KLHDC2: variants seen among roughly 807,000 people sequenced by gnomAD.
The protein encoded by KLHDC2 is kelch domain containing 2, also known as kelch domain-containing protein 2.
KLHDC2 carries 38 observed loss-of-function variants against 62.3 expected under a neutral mutation model. The observed-to-expected ratio is 0.61, with a 90% CI of 0.47 to 0.80. The LOEUF is 0.80. Among genes scored for constraint, KLHDC2 ranks in the 30% least tolerant of loss-of-function variants. KLHDC2 has a pLI of 0.00. For synonymous variants in KLHDC2, 159 were observed against 161.0 expected (o/e 0.99, Z 0.09); for missense variants, 430 against 495.3 (o/e 0.87, Z 1.25).
chr14:49,768,781 G>A, intron 1 of KLHDC2, 160 bp downstream of exon 1: 1 of 626,576 alleles, frequency 1.6e-6, no homozygotes, highest in Non-Finnish European at 2.6e-6. Flanking sequence ...TTTTTTGCGC[G>A]CGGGAATCTT....
Position 49,784,628 on chromosome 14 carries a change from CA to C in KLHDC2, c.*1676del. 1 of 1,594,866 alleles carries C rather than the reference CA, an allele frequency of 6.3e-7. No homozygotes were observed. The highest frequency in any genetic ancestry group is 2.2e-5 in the East Asian group (1 of 44,712). On this transcript the variant is annotated 3_prime_UTR_variant, in exon 13 of 13. Transcript: ENST00000298307. ...GCTCTTCTCAAATATTTTAGAATTT[CA>C]TTTCAGCTATTTCCTTTTTACGTTC...
At chr14:49,777,772 A>G in intron 3 of KLHDC2, 67 bp from the exon 4 acceptor site, 1 of 861,880 alleles carries the variant, frequency 1.2e-6, no homozygotes, top group East Asian at 2.5e-5. Context: ...AATCATAGTA[A>G]AATTAAATGC....
chr14:49,785,003 A>G lies in KLHDC2; in HGVS notation c.*2050A>G, dbSNP rs764829670. The G allele has an allele frequency of 6.2e-7, 1 of 1,613,440 alleles. No homozygotes were observed. Among genetic ancestry groups the G allele is most frequent in the South Asian group, 1.1e-5 (1 of 91,056 alleles). On this transcript the variant is annotated 3_prime_UTR_variant, in exon 13 of 13. Coordinates refer to ENST00000298307, the MANE Select transcript of KLHDC2 (RefSeq NM_014315.3). ...TGAAACTATTCAAGGCTGTTTTTGC[A>G]GCTGTAAATACAAAAAAGAGTAAGA...
chr14:49,774,258 A>G (rs905420630), intron 2 of KLHDC2, among the ~76,000 whole-genome samples: 1 of 152,246 alleles, frequency 6.6e-6, no homozygotes, highest in Non-Finnish European at 1.5e-5. Context: ...AATAAATAGC[A>G]AACAATTTAG....
chr14:49,784,746 T>C lies in KLHDC2; in HGVS notation c.*1793T>C. ...AAGAAAATTGCTGAATATCTTCACA[T>C]CCTGTATGGTCAATCATGTTTCTTT... On this transcript the variant is annotated 3_prime_UTR_variant, in exon 13 of 13. Coordinates refer to ENST00000298307, the MANE Select transcript of KLHDC2 (RefSeq NM_014315.3). 6.5e-7 allele frequency: 1 copy of C among 1,543,046 alleles called. No individual in the cohort carries two copies.
At position 49,784,814 on chromosome 14, in the gene KLHDC2, G is replaced by T; in HGVS notation, c.*1861G>T. The T allele has an allele frequency of 7.2e-7, 1 of 1,390,724 alleles. No homozygotes were observed. Among genetic ancestry groups the T allele is most frequent in the Non-Finnish European group, 1.0e-6 (1 of 990,268 alleles). The allele number at this position is 1,390,724 out of a possible 1,614,324, so 86.1% of individuals were successfully genotyped here. A position where few individuals can be genotyped will look rare whatever the true frequency, so the allele number is the denominator to read the frequency against. On this transcript the variant is annotated 3_prime_UTR_variant, in exon 13 of 13. Coordinates refer to ENST00000298307, the MANE Select transcript of KLHDC2 (RefSeq NM_014315.3). ...ACATTTCCAAACTTTTAGCTGAGAT[G>T]GTTTTACTGCTTCTAATAAGACAGC...
At chr14:49,782,198 TATTG>T (rs1354728713) in intron 10 of KLHDC2, 168 bp from the exon 11 acceptor site, 4 of 544,448 alleles carry the variant, frequency 7.3e-6, no homozygotes, top group Non-Finnish European at 9.8e-6. Flanking sequence ...ATAAAATAGA[TATTG>T]ATTGATCTGC....
chr14:49,785,359 C>G lies in KLHDC2; in HGVS notation c.*2406C>G. ...ATAACAGTTACAAAGGCAATTTATA[C>G]CGCCCTTTACAAAAAATGCTAAAAC... On this transcript the variant is annotated 3_prime_UTR_variant, in exon 13 of 13. Coordinates refer to ENST00000298307, the MANE Select transcript of KLHDC2 (RefSeq NM_014315.3). The G allele has an allele frequency of 7.2e-7, 1 of 1,391,080 alleles. No homozygotes were observed. Among genetic ancestry groups the G allele is most frequent in the Non-Finnish European group, 1.0e-6 (1 of 977,996 alleles). 86.2% of individuals were successfully genotyped at this position (1,391,080 alleles called of 1,614,324 possible). A position where few individuals can be genotyped will look rare whatever the true frequency, so the allele number is the denominator to read the frequency against.
chr14:49,769,278 C>A (rs1281208899), intron 1 of KLHDC2, among the ~76,000 whole-genome samples: 1 of 152,196 alleles, frequency 6.6e-6, no homozygotes, highest in African/African-American at 2.4e-5. Context: ...TTTGACTCTC[C>A]GATCCCCTGG....
intron 4 of KLHDC2, 79 bp downstream of exon 4, chr14:49,778,033 T>G: frequency 2.0e-6 from 2 of 1,003,032 alleles, no homozygotes; most frequent in Non-Finnish European, 3.1e-6. Context: ...CAGTAAACAT[T>G]TGCACAGAAC....
At chr14:49,771,099 A>G (rs112379569) in intron 1 of KLHDC2, among the ~76,000 whole-genome samples, 4,482 of 152,244 alleles carry the variant, frequency 0.029, 102 homozygotes, top group Non-Finnish European at 0.043. Flanking sequence ...CTGTAATCCC[A>G]GCACTTTGGG....
At chr14:49,774,327 A>C (rs1170343104) in intron 2 of KLHDC2, among the ~76,000 whole-genome samples, 1 of 152,186 alleles carries the variant, frequency 6.6e-6, no homozygotes, top group Non-Finnish European at 1.5e-5. Flanking sequence ...AGGCTTTCAG[A>C]ATCTCTCATG....
chr14:49,768,889 C>T, intron 1 of KLHDC2: 2 of 442,454 alleles, frequency 4.5e-6, no homozygotes, highest in South Asian at 6.8e-5. Flanking sequence ...CCCGTTGTTG[C>T]CATTGGAGCG....
chr14:49,785,889 C>CAAA lies in KLHDC2; in HGVS notation c.*2950_*2952dup, dbSNP rs5808514. 0.016 allele frequency: 1,916 copies of CAAA among 123,526 alleles called. 43 individuals are homozygous for CAAA. Among genetic ancestry groups the CAAA allele is most frequent in the East Asian group, 0.023 (103 of 4,386 alleles). 7.7% of individuals were successfully genotyped at this position (123,526 alleles called of 1,614,324 possible). ...AGCCTGGGTGACAGAGACCCTGTCT[C>CAAA]AAAAAAAAAAAAAAAAGGAAAAAAA... On this transcript the variant is annotated 3_prime_UTR_variant, in exon 13 of 13. Transcript: ENST00000298307.
chr14:49,785,716 C>T lies in KLHDC2; in HGVS notation c.*2763C>T. 1 of 183,434 alleles carries T rather than the reference C, an allele frequency of 5.5e-6. No homozygotes were observed. The highest frequency in any genetic ancestry group is 1.2e-5 in the Non-Finnish European group (1 of 86,290). The allele number at this position is 183,434 out of a possible 1,614,324, so 11.4% of individuals were successfully genotyped here. On this transcript the variant is annotated 3_prime_UTR_variant, in exon 13 of 13. Coordinates refer to ENST00000298307, the MANE Select transcript of KLHDC2 (RefSeq NM_014315.3). ...CAGCCTAAGCAACATGGAGAAACAC[C>T]ATCTCTACAAAAAATATAAAAGTTA...
chr14:49,785,359 C>A lies in KLHDC2; in HGVS notation c.*2406C>A. On this transcript the variant is annotated 3_prime_UTR_variant, in exon 13 of 13. Coordinates refer to ENST00000298307, the MANE Select transcript of KLHDC2 (RefSeq NM_014315.3). ...ATAACAGTTACAAAGGCAATTTATACCGCCCTTTACAAAAAATGCTAAAAC... is the reference window on the plus strand; with the variant it reads ...ATAACAGTTACAAAGGCAATTTATAACGCCCTTTACAAAAAATGCTAAAAC... 1 of 1,391,080 alleles carries A rather than the reference C, an allele frequency of 7.2e-7. No individual in the cohort carries two copies. The highest frequency in any genetic ancestry group is 1.0e-6 in the Non-Finnish European group (1 of 977,996). The allele number at this position is 1,391,080 out of a possible 1,614,324, so 86.2% of individuals were successfully genotyped here.
At position 49,785,584 on chromosome 14, in the gene KLHDC2, A is replaced by G. The variant is rs1036308768; in HGVS notation, c.*2631A>G. The G allele has an allele frequency of 1.9e-5, 7 of 366,020 alleles. No individual in the cohort carries two copies. The highest frequency in any genetic ancestry group is 8.3e-5 in the African/African-American group (4 of 48,074). 22.7% of individuals were successfully genotyped at this position (366,020 alleles called of 1,614,324 possible). On this transcript the variant is annotated 3_prime_UTR_variant, in exon 13 of 13. Transcript: ENST00000298307. ...TTTTCAAAATCCTACCTACAGTTAC[A>G]TTTAAGAGAAAGAAGGCCCAGGAGC... is the stretch of plus-strand genomic sequence containing the variant.
In KLHDC2 at chr14:49,779,795, G is replaced by A. The variant is rs530070348; in HGVS notation, c.762G>A (p.Glu254=). 1.9e-6 allele frequency: 3 copies of A among 1,607,502 alleles called. No individual in the cohort carries two copies. The highest frequency in any genetic ancestry group is 1.3e-5 in the African/African-American group (1 of 74,904). ...ACTATCTTAATCTGGATACATGGGAGTGGAATGAATTGTAGGTATCACTTT... is the reference window on the plus strand; with the variant it reads ...ACTATCTTAATCTGGATACATGGGAATGGAATGAATTGTAGGTATCACTTT... ...DLHYLNLDTW[E]WNELIPQGIC... Residue 254 remains glutamate, a synonymous_variant, in exon 8 of 13, where the codon GAG becomes GAA. Transcript: ENST00000298307.
Position 49,768,389 on chromosome 14 carries a change from T to G in KLHDC2, c.-80T>G, listed in dbSNP as rs1889587811. 1 of 1,478,908 alleles carries G rather than the reference T, an allele frequency of 6.8e-7. No homozygotes were observed. The highest frequency in any genetic ancestry group is 9.2e-7 in the Non-Finnish European group (1 of 1,092,042). 91.6% of individuals were successfully genotyped at this position (1,478,908 alleles called of 1,614,324 possible). Reference sequence around the variant, plus strand: ...GCCTTTTCCTTGCCTCGCGCCGCTGTGCATTTCTCTCCTTTTCCTTTGTTT... The same window carrying G: ...GCCTTTTCCTTGCCTCGCGCCGCTGGGCATTTCTCTCCTTTTCCTTTGTTT... On this transcript the variant is annotated 5_prime_UTR_variant, in exon 1 of 13. Coordinates refer to ENST00000298307, the MANE Select transcript of KLHDC2 (RefSeq NM_014315.3).
Sources: gnomAD v4.1 joint callset for allele counts (sites outside exome capture counted in the v4.1 genomes callset) on GRCh38, gnomAD v4.1.1 for gene constraint, MANE v1.5 for transcripts, NCBI Gene and HGNC (gene_info 2026-07-23, HGNC 2026-07-21) for gene names.